TMEM70: variants seen among roughly 807,000 people sequenced by gnomAD.
TMEM70 encodes the protein transmembrane protein 70, mitochondrial.
In TMEM70, 15 loss-of-function variants were observed where a neutral mutation model predicts 20.5. The ratio of observed to expected loss-of-function variants is 0.73; its 90% CI spans 0.49 to 1.13. The LOEUF (loss-of-function observed/expected upper bound fraction) is 1.13. Ranked by LOEUF, TMEM70 falls within the 50% of genes most tolerant of loss-of-function variation. The pLI is 0.00. For synonymous variants in TMEM70, 141 were observed against 134.2 expected, an observed-to-expected ratio of 1.05 and a Z score of -0.35; for missense variants, 344 against 331.7, an observed-to-expected ratio of 1.04 and a Z score of -0.29.
chr8:73,982,650 G>C lies in TMEM70; in HGVS notation c.*1029G>C, dbSNP rs1478135644. On this transcript the variant is annotated 3_prime_UTR_variant, in exon 3 of 3. Coordinates refer to ENST00000312184, the MANE Select transcript of TMEM70 (RefSeq NM_017866.6). ...AAGAACATACATGTACAGTTGAACT[G>C]GTGGTTAGCTATACGGGAAATGGTA... is the stretch of plus-strand genomic sequence containing the variant. 3 of 468,536 alleles carry C rather than the reference G, an allele frequency of 6.4e-6. No individual in the cohort carries two copies. The highest frequency in any genetic ancestry group is 2.3e-5 in the Admixed American group (1 of 43,166). The allele number at this position is 468,536 out of a possible 1,614,324, so 29.0% of individuals were successfully genotyped here.
In TMEM70 at chr8:73,982,066, T is replaced by C; in HGVS notation, c.*445T>C. 2 of 468,812 alleles carry C rather than the reference T, an allele frequency of 4.3e-6. No homozygotes were observed. The highest frequency in any genetic ancestry group is 8.5e-6 in the Non-Finnish European group (2 of 235,322). The allele number at this position is 468,812 out of a possible 1,614,324, so 29.0% of individuals were successfully genotyped here. On this transcript the variant is annotated 3_prime_UTR_variant, in exon 3 of 3. Transcript: ENST00000312184. ...GCTCCTGCTCCTGACTCACTGCTCT[T>C]TGCTGTTGCCTGAGGACCAAGTCTG...
chr8:73,979,608 A>T (rs914576379), intron 2 of TMEM70, among the ~76,000 whole-genome samples: 2 of 152,006 alleles, frequency 1.3e-5, no homozygotes, highest in African/African-American at 2.4e-5. Context: ...GCCATTTTTT[A>T]AAAATAATTT....
intron 2 of TMEM70, among the ~76,000 whole-genome samples, chr8:73,980,794 A>C (rs1815772553): frequency 6.6e-6 from 1 of 152,206 alleles, no homozygotes; most frequent in Non-Finnish European, 1.5e-5. Context: ...AGTGCTTGTT[A>C]ATAGAGAGTT....
chr8:73,978,290 T>G (rs868760804), intron 1 of TMEM70, among the ~76,000 whole-genome samples: 1 of 149,988 alleles, frequency 6.7e-6, no homozygotes, highest in Admixed American at 6.6e-5. Context: ...TTTCACCATG[T>G]TGGCCAGGCT....
chr8:73,978,348 A>G (rs891068560), intron 1 of TMEM70, among the ~76,000 whole-genome samples: 1 of 148,360 alleles, frequency 6.7e-6, no homozygotes, highest in Non-Finnish European at 1.5e-5. Flanking sequence ...CGGCCTCCCA[A>G]AGTGCTGGGA....
In TMEM70 at chr8:73,981,965, A is replaced by G. The variant is rs1021123908; in HGVS notation, c.*344A>G. The G allele has an allele frequency of 3.5e-5, 17 of 481,348 alleles. No individual in the cohort carries two copies. Among genetic ancestry groups the G allele is most frequent in the African/African-American group, 2.7e-4 (14 of 51,190 alleles). The allele number at this position is 481,348 out of a possible 1,614,324, so 29.8% of individuals were successfully genotyped here. ...TGTATGGATTTTTCTAAGTGTATAA[A>G]TATTTTCCGACATTAAAAGACATTT... On this transcript the variant is annotated 3_prime_UTR_variant, in exon 3 of 3. Transcript: ENST00000312184.
chr8:73,981,207 A>G lies in TMEM70; in HGVS notation c.369A>G (p.Pro123=), dbSNP rs1262308976. ...STSLIGLTFL[P]YIFTQNNAIS... is the part of the protein sequence containing the mutation. The stretch of plus-strand genomic sequence containing the variant: ...GTCTGATTGGCCTTACATTTCTGCC[A>G]TACATTTTTACACAAAATAATGCTA... Residue 123 remains proline (P), a synonymous_variant, in exon 3 of 3, where the codon CCA becomes CCG. Transcript: ENST00000312184. The G allele has an allele frequency of 7.4e-6, 12 of 1,614,140 alleles. No homozygotes were observed. The highest frequency in any genetic ancestry group is 1.7e-5 in the Admixed American group (1 of 60,016).
intron 1 of TMEM70, 116 bp downstream of exon 1, chr8:73,976,607 C>A: frequency 9.3e-7 from 1 of 1,075,130 alleles, no homozygotes; most frequent in Non-Finnish European, 1.3e-6. Context: ...GGCTGGAGCG[C>A]GGGAGGAGCC....
chr8:73,982,262 G>T lies in TMEM70; in HGVS notation c.*641G>T, dbSNP rs781066085. ...ACTTGATCTGAGGAGCAAAGGAAAA[G>T]AATCAGTGAAAGGACCAGTTTGAAT... On this transcript the variant is annotated 3_prime_UTR_variant, in exon 3 of 3. Coordinates refer to ENST00000312184, the MANE Select transcript of TMEM70 (RefSeq NM_017866.6). The T allele has an allele frequency of 1.7e-6, 1 of 598,310 alleles. No individual in the cohort carries two copies. 37.1% of individuals were successfully genotyped at this position (598,310 alleles called of 1,614,324 possible).
At position 73,976,287 on chromosome 8, in the gene TMEM70, G is replaced by C. The variant is rs887707177; in HGVS notation, c.6G>C (p.Leu2=). The C allele has an allele frequency of 3.7e-6, 6 of 1,600,544 alleles. No individual in the cohort carries two copies. In the Admixed American group the frequency reaches 1.0e-4, roughly 27 times the overall value. M[L]FLALGSPWAV... is the part of the protein sequence containing the mutation. ...AGCCGCTCGTCACCCGCGTGATGCT[G>C]TTTCTGGCGTTGGGCAGCCCGTGGG... is the stretch of plus-strand genomic sequence containing the variant. Residue 2 remains leucine (L), a synonymous_variant, in exon 1 of 3, where the codon CTG becomes CTC. Coordinates refer to ENST00000312184, the MANE Select transcript of TMEM70 (RefSeq NM_017866.6).
chr8:73,978,027 C>G (rs920832908), intron 1 of TMEM70, among the ~76,000 whole-genome samples: 2 of 152,156 alleles, frequency 1.3e-5, no homozygotes, highest in African/African-American at 4.8e-5. Flanking sequence ...TTCTTTAACT[C>G]TGTAGATTAT....
In TMEM70 at chr8:73,976,343, C is replaced by T. The variant is rs764680066; in HGVS notation, c.62C>T (p.Thr21Ile). Residue 21 changes from threonine (T) to isoleucine (I), a missense_variant, in exon 1 of 3, where the codon ACT (threonine) becomes ATT (isoleucine). Physicochemically the swap from Thr to Ile is moderately conservative, Grantham distance 89. Transcript: ENST00000312184. The stretch of plus-strand genomic sequence containing the variant: ...GAACTGCCTCTCTGCGGAAGGAGGA[C>T]TGCATTGTGTGCGGCCGCCGCGCTC... ...AVELPLCGRRTALCAAAALRG... is the reference protein window; with the variant it reads ...AVELPLCGRRIALCAAAALRG... The T allele has an allele frequency of 1.9e-6, 3 of 1,600,462 alleles. No homozygotes were observed. The highest frequency in any genetic ancestry group is 2.5e-6 in the Non-Finnish European group (3 of 1,179,570).
chr8:73,976,422 G>A lies in TMEM70; in HGVS notation c.141G>A (p.Gly47=). 4 of 1,575,978 alleles carry A rather than the reference G, an allele frequency of 2.5e-6. No homozygotes were observed. The highest frequency in any genetic ancestry group is 3.4e-6 in the Non-Finnish European group (4 of 1,168,748). Residue 47 remains glycine, a synonymous_variant, in exon 1 of 3, where the codon GGG becomes GGA. Transcript: ENST00000312184. ...CGTCCTCCAGCAGCGGGCCTTCGGG[G>A]CCGGTAGCCGGCTGGAGTACGGGGC... ...SRASSSSGPS[G]PVAGWSTGPS... is the part of the protein sequence containing the mutation.
At position 73,977,269 on chromosome 8, in the gene TMEM70, C is replaced by T. The variant is rs987449110; in HGVS notation, c.210+778C>T. Among the ~76,000 whole-genome samples, 3 of 152,282 alleles carry T rather than the reference C, an allele frequency of 2.0e-5. 1 individual carries two copies. Reference sequence around the variant, plus strand: ...TGATCTTGGCTCACTGCAACCTCCGCCTTCCGGGTTCAAGCGATTCTCCTG... The same window carrying T: ...TGATCTTGGCTCACTGCAACCTCCGTCTTCCGGGTTCAAGCGATTCTCCTG... On this transcript the variant is annotated intron_variant, in intron 1 of 2. Transcript: ENST00000312184.
chr8:73,979,636 G>A (rs977669444), intron 2 of TMEM70, among the ~76,000 whole-genome samples: 1 of 151,564 alleles, frequency 6.6e-6, no homozygotes, highest in Non-Finnish European at 1.5e-5. Flanking sequence ...TTAGAGACAG[G>A]GTCTCTGTCA....
rs1815805928 is a variant in TMEM70, at chr8:73,981,661, T to C, written c.*40T>C. On this transcript the variant is annotated 3_prime_UTR_variant, in exon 3 of 3. Transcript: ENST00000312184. ...GTTCGTGCTCAAATGTGATTTACGT[T>C]TTAATGTATAATAATAAAATTGCCT... The C allele has an allele frequency of 7.1e-7, 1 of 1,400,778 alleles. No homozygotes were observed. The highest frequency in any genetic ancestry group is 2.3e-5 in the East Asian group (1 of 43,698). 86.8% of individuals were successfully genotyped at this position (1,400,778 alleles called of 1,614,324 possible).
rs1563699651 is a variant in TMEM70, at chr8:73,981,247, C to T, written c.409C>T (p.Pro137Ser). 6.2e-7 allele frequency: 1 copy of T among 1,614,108 alleles called. No homozygotes were observed. The highest frequency in any genetic ancestry group is 8.5e-7 in the Non-Finnish European group (1 of 1,180,010). ...TQNNAISESV[P>S]LPIQIIFYGI... ...AAATAATGCTATTTCTGAAAGTGTG[C>T]CTCTGCCTATTCAAATCATATTCTA... The change falls in exon 3 of 3, where the codon CCT (proline) becomes TCT (serine). Residue 137 changes from proline (P) to serine (S), a missense_variant. Physicochemically the swap from Pro to Ser is moderately conservative, Grantham distance 74. Transcript: ENST00000312184.
At position 73,982,097 on chromosome 8, in the gene TMEM70, A is replaced by G. The variant is rs1815821158; in HGVS notation, c.*476A>G. The stretch of plus-strand genomic sequence containing the variant: ...TTGCCTGAGGACCAAGTCTGTCAGG[A>G]AGCTGGCTAGGAAGCCTTGCAGCAG... On this transcript the variant is annotated 3_prime_UTR_variant, in exon 3 of 3. Coordinates refer to ENST00000312184, the MANE Select transcript of TMEM70 (RefSeq NM_017866.6). 1 of 478,550 alleles carries G rather than the reference A, an allele frequency of 2.1e-6. No individual in the cohort carries two copies. The highest frequency in any genetic ancestry group is 2.2e-5 in the Admixed American group (1 of 44,594). 29.6% of individuals were successfully genotyped at this position (478,550 alleles called of 1,614,324 possible).
intron 2 of TMEM70, among the ~76,000 whole-genome samples, chr8:73,979,515 T>G (rs28679775): frequency 0.23 from 35,613 of 152,154 alleles, 4,991 homozygotes; most frequent in African/African-American, 0.37. Flanking sequence ...GTAAGGTAAA[T>G]TTACATTTTA....
Sources: allele counts gnomAD v4.1 joint callset (sites outside exome capture counted in the v4.1 genomes callset), GRCh38; gene constraint gnomAD v4.1.1; transcripts MANE v1.5; gene names NCBI Gene and HGNC (gene_info 2026-07-23, HGNC 2026-07-21).